The following THSD4 variants were observed in gnomAD, a reference collection of about 807,000 sequenced individuals.
THSD4 encodes thrombospondin type-1 domain-containing protein 4.
Under a neutral mutation model 119.0 loss-of-function variants are expected in THSD4, and 69 were observed. The observed-to-expected ratio is 0.58, with a 90% confidence interval of 0.48 to 0.71. THSD4 has a LOEUF of 0.71. THSD4 is among the 30% of genes least tolerant of loss of function. The pLI, the probability that THSD4 is intolerant of heterozygous loss-of-function variation, is 0.00. For missense variants in THSD4, 1,393 were observed against 1,391.1 expected (o/e 1.00, Z -0.02); for synonymous variants, 524 against 540.4 (o/e 0.97, Z 0.42).
chr15:71,286,620 CATGT>C (rs1156509009), intron 6 of THSD4, among the ~76,000 whole-genome samples: 1 of 152,158 alleles, frequency 6.6e-6, no homozygotes, highest in Non-Finnish European at 1.5e-5. Flanking sequence ...CATATGCATG[CATGT>C]GTCTTTATAA....
intron 6 of THSD4, among the ~76,000 whole-genome samples, chr15:71,349,124 A>C (rs142184054): frequency 6.6e-6 from 1 of 152,188 alleles, no homozygotes; most frequent in Non-Finnish European, 1.5e-5. Flanking sequence ...CCCAGCTTCA[A>C]ATCCCATTTC....
rs766077475 is a variant in THSD4 at position 71,123,603 on chromosome 15, A to T, written c.-80+7905A>T. On this transcript the variant is annotated intron_variant, in intron 1 of 17. Transcript: ENST00000261862. ...GTAATAGTATACTTACAGCCTTAGC[A>T]GCGGGCAGGTGAGAGGAAAATCACT... Among the ~76,000 whole-genome samples, 7 of 152,336 alleles carry T rather than the reference A, an allele frequency of 4.6e-5. No individual in the cohort carries two copies. The East Asian group carries it at 7.7e-4, about 17-fold the overall frequency.
intron 7 of THSD4, among the ~76,000 whole-genome samples, chr15:71,622,677 C>G (rs1033505167): frequency 3.9e-5 from 6 of 152,054 alleles, no homozygotes; most frequent in Non-Finnish European, 7.4e-5. Context: ...AGCTAAGGAC[C>G]AATGGAGAAG....
At chr15:71,255,533 C>T (rs2044305666) in intron 5 of THSD4, among the ~76,000 whole-genome samples, 1 of 152,148 alleles carries the variant, frequency 6.6e-6, no homozygotes, top group Non-Finnish European at 1.5e-5. Context: ...GAATAATAAT[C>T]CTTAAGGGAG....
intron 3 of THSD4, among the ~76,000 whole-genome samples, chr15:71,193,872 A>G (rs537855035): frequency 4.9e-4 from 74 of 152,010 alleles, no homozygotes; most frequent in South Asian, 3.8e-3. Flanking sequence ...CGCCACGCCC[A>G]GCTAATTTTT....
intron 7 of THSD4, among the ~76,000 whole-genome samples, chr15:71,621,767 A>C (rs2050422625): frequency 6.6e-6 from 1 of 152,236 alleles, no homozygotes; most frequent in African/African-American, 2.4e-5. Context: ...TATAACAAAA[A>C]TATTCACTTG....
intron 6 of THSD4, among the ~76,000 whole-genome samples, chr15:71,313,921 A>G (rs1471855390): frequency 6.6e-6 from 1 of 152,224 alleles, no homozygotes; most frequent in Non-Finnish European, 1.5e-5. Context: ...TCCTACTAAC[A>G]AAAGCAGATT....
chr15:71,341,649 G>T (rs761727418), intron 6 of THSD4: 15 of 1,529,554 alleles, frequency 9.8e-6, no homozygotes, highest in Non-Finnish European at 1.8e-6. Context: ...TGAACACGAA[G>T]ATTGGAACCT....
intron 7 of THSD4, among the ~76,000 whole-genome samples, chr15:71,648,404 C>T (rs2051014802): frequency 1.3e-5 from 2 of 152,190 alleles, no homozygotes; most frequent in African/African-American, 4.8e-5. Context: ...TAGGCTCCAT[C>T]CAGCAGTCTC....
intron 6 of THSD4, among the ~76,000 whole-genome samples, chr15:71,371,866 C>T (rs1276329902): frequency 6.6e-6 from 1 of 152,182 alleles, no homozygotes; most frequent in African/African-American, 2.4e-5. Context: ...TAATATACTG[C>T]AGAGTGTTTT....
intron 6 of THSD4, among the ~76,000 whole-genome samples, chr15:71,260,230 T>C (rs907184771): frequency 6.6e-6 from 1 of 152,240 alleles, no homozygotes; most frequent in Non-Finnish European, 1.5e-5. Context: ...CTGTTATTTT[T>C]TTCCCCTCTG....
intron 7 of THSD4, among the ~76,000 whole-genome samples, chr15:71,498,303 A>G (rs1446806994): frequency 6.6e-6 from 1 of 152,202 alleles, no homozygotes; most frequent in Non-Finnish European, 1.5e-5. Flanking sequence ...ATTAAATGCT[A>G]ACATTTTAGG....
chr15:71,621,733 T>A (rs2140928575), intron 7 of THSD4, among the ~76,000 whole-genome samples: 1 of 152,352 alleles, frequency 6.6e-6, no homozygotes, highest in African/African-American at 2.4e-5. Flanking sequence ...GAAGTTCAAG[T>A]CATTTGCTAT....
intron 1 of THSD4, among the ~76,000 whole-genome samples, chr15:71,137,230 C>T (rs1335894897): frequency 6.6e-6 from 1 of 152,156 alleles, no homozygotes; most frequent in Admixed American, 6.5e-5. Context: ...TCAGCCCTCT[C>T]GGTGCACCCT....
intron 7 of THSD4, among the ~76,000 whole-genome samples, chr15:71,428,405 C>T (rs533906052): frequency 1.1e-4 from 16 of 152,254 alleles, no homozygotes; most frequent in African/African-American, 3.6e-4. Context: ...TCATATTATT[C>T]ACCAGTTATA....
intron 8 of THSD4, among the ~76,000 whole-genome samples, chr15:71,688,811 AAATGTT>A (rs2051979147): frequency 6.6e-6 from 1 of 151,662 alleles, no homozygotes; most frequent in African/African-American, 2.4e-5. Flanking sequence ...TTTGAGGGCA[AAATGTT>A]AACATCTTGG....
chr15:71,449,970 A>G (rs1188902843), intron 7 of THSD4, among the ~76,000 whole-genome samples: 1 of 152,220 alleles, frequency 6.6e-6, no homozygotes, highest in Non-Finnish European at 1.5e-5. Flanking sequence ...TTCCCATATT[A>G]AGGTCCTATG....
At chr15:71,453,629 G>C (rs769926060) in intron 7 of THSD4, among the ~76,000 whole-genome samples, 2 of 152,228 alleles carry the variant, frequency 1.3e-5, no homozygotes, top group African/African-American at 2.4e-5. Flanking sequence ...AAAAAACAAA[G>C]TTGAATTACA....
At chr15:71,622,983 G>T (rs1298317933) in intron 7 of THSD4, among the ~76,000 whole-genome samples, 1 of 152,224 alleles carries the variant, frequency 6.6e-6, no homozygotes, top group Middle Eastern at 3.4e-3. Flanking sequence ...ACAAGGAAGA[G>T]GAGTCTTTTC....
Sources: allele counts gnomAD v4.1 joint callset (sites outside exome capture counted in the v4.1 genomes callset), GRCh38; gene constraint gnomAD v4.1.1; transcripts MANE v1.5; gene names NCBI Gene and HGNC (gene_info 2026-07-23, HGNC 2026-07-21).